VCL: variants seen among roughly 807,000 people sequenced by gnomAD.
The protein encoded by VCL is epididymis luminal protein 114.
Under a neutral mutation model 125.7 loss-of-function variants are expected in VCL, and 47 were observed. That is an observed-to-expected ratio of 0.37 (90% CI 0.30 to 0.48). The LOEUF (loss-of-function observed/expected upper bound fraction) is 0.48. VCL is among the 20% of genes least tolerant of loss of function. VCL has a pLI of 0.99. For synonymous variants in VCL, 458 were observed against 514.6 expected (o/e 0.89, Z 1.49); for missense variants, 1,069 against 1,455.5 (o/e 0.73, Z 4.32).
chr10:74,070,539 CA>C (rs1841647302), intron 2 of VCL, 130 bp from the exon 3 acceptor site: 1 of 1,286,862 alleles, frequency 7.8e-7, no homozygotes, highest in East Asian at 2.3e-5. Flanking sequence ...GTTCTATTAT[CA>C]ATTGGTCTTG....
At chr10:74,085,014 A>T (rs1281959325) in intron 8 of VCL, among the ~76,000 whole-genome samples, 2 of 152,196 alleles carry the variant, frequency 1.3e-5, no homozygotes, top group Admixed American at 6.5e-5. Flanking sequence ...GGCTCAAGCA[A>T]TGTTCCTTCT....
chr10:74,032,563 G>A (rs544245899), intron 1 of VCL, among the ~76,000 whole-genome samples: 2 of 151,942 alleles, frequency 1.3e-5, no homozygotes, highest in East Asian at 1.9e-4. Context: ...AGCCAGGCAT[G>A]GTGGCTCATG....
chr10:74,081,051 C>T lies in VCL; in HGVS notation c.784-1403C>T, dbSNP rs1839666550. On this transcript the variant is annotated intron_variant, in intron 6 of 21. Coordinates refer to ENST00000211998, the MANE Select transcript of VCL (RefSeq NM_014000.3). ...ATTACAAGTGGATTTTGAAATAGAT[C>T]CTCTTATGATTCTGCCTTTTATTGA... 2.6e-5 allele frequency among the ~76,000 whole-genome samples: 4 copies of T among 152,176 alleles called. 1 individual carries two copies. The South Asian group carries it at 8.3e-4, about 31-fold the overall frequency.
intron 21 of VCL, among the ~76,000 whole-genome samples, chr10:74,116,334 A>G (rs1435246439): frequency 6.6e-6 from 1 of 152,072 alleles, no homozygotes; most frequent in Non-Finnish European, 1.5e-5. Flanking sequence ...CCTAACTTCC[A>G]CATATTCTAT....
At chr10:74,066,673 ATTTT>A (rs34258352) in intron 2 of VCL, among the ~76,000 whole-genome samples, 9 of 142,502 alleles carry the variant, frequency 6.3e-5, no homozygotes, top group Non-Finnish European at 1.2e-4. Flanking sequence ...TTATAAAATG[ATTTT>A]TTTTTTTTTT....
intron 1 of VCL, among the ~76,000 whole-genome samples, chr10:74,018,584 A>G (rs1840604081): frequency 6.6e-6 from 1 of 152,156 alleles, no homozygotes; most frequent in Non-Finnish European, 1.5e-5. Flanking sequence ...CAAAGATACA[A>G]GGGTGTGAAT....
At chr10:74,070,627 T>A in intron 2 of VCL, 43 bp from the exon 3 acceptor site, 1 of 1,613,172 alleles carries the variant, frequency 6.2e-7, no homozygotes, top group Non-Finnish European at 8.5e-7. Context: ...GGTATTCTTC[T>A]GTGTGGTTCT....
chr10:74,025,486 C>G (rs1380677002), intron 1 of VCL, among the ~76,000 whole-genome samples: 1 of 151,506 alleles, frequency 6.6e-6, no homozygotes, highest in Non-Finnish European at 1.5e-5. Flanking sequence ...TGGTGGTGTG[C>G]GTCTATAGTT....
chr10:74,080,974 T>A (rs1356470649), intron 6 of VCL, among the ~76,000 whole-genome samples: 1 of 152,238 alleles, frequency 6.6e-6, no homozygotes, highest in Non-Finnish European at 1.5e-5. Context: ...TTTGCTGATA[T>A]TCAAACCATT....
intron 1 of VCL, among the ~76,000 whole-genome samples, chr10:74,026,074 T>C (rs1308667661): frequency 2.0e-5 from 3 of 152,216 alleles, no homozygotes; most frequent in Non-Finnish European, 4.4e-5. Flanking sequence ...AATGTTTTAT[T>C]ATGCAGATGG....
intron 2 of VCL, among the ~76,000 whole-genome samples, chr10:74,049,830 G>GT (rs1393338709): frequency 6.6e-6 from 1 of 152,198 alleles, no homozygotes; most frequent in Non-Finnish European, 1.5e-5. Flanking sequence ...TGCTAATGTT[G>GT]TAACAGAGAA....
intron 1 of VCL, among the ~76,000 whole-genome samples, chr10:74,002,549 T>G (rs1840245880): frequency 6.6e-6 from 1 of 152,016 alleles, no homozygotes; most frequent in South Asian, 2.1e-4. Flanking sequence ...AGTTGGGTCT[T>G]AAAGACAGAT....
chr10:74,075,034 TTTC>T (rs934902672), intron 6 of VCL, 131 bp downstream of exon 6: 6 of 1,188,740 alleles, frequency 5.0e-6, no homozygotes, highest in East Asian at 2.5e-5. Flanking sequence ...GTGAAAGTAA[TTTC>T]TTCTTCATTT....
chr10:74,066,063 T>TATATATATATATA (rs1297685805), intron 2 of VCL, among the ~76,000 whole-genome samples: 2,181 of 95,090 alleles, frequency 0.023, 20 homozygotes, highest in Admixed American at 0.028. Context: ...ATATATATAT[T>TATATATATATATA]TTTTTTTTTT....
At position 74,071,802 on chromosome 10, in the gene VCL, G is replaced by A. The variant is rs565474398; in HGVS notation, c.499+719G>A. Among the ~76,000 whole-genome samples the A allele has an allele frequency of 6.6e-6, 1 of 152,316 alleles. No individual in the cohort carries two copies. The highest frequency in any genetic ancestry group is 1.9e-4 in the East Asian group (1 of 5,188). On this transcript the variant is annotated intron_variant, in intron 4 of 21. Coordinates refer to ENST00000211998, the MANE Select transcript of VCL (RefSeq NM_014000.3). This position sits in a 1 kb window ranked among gnomAD's most constrained non-coding sequence, Gnocchi z 4.1. ...AACAGCATTTTTATGAGGTTCCAGT[G>A]TAGGTGTTCTGTAAAACTTAATGGC...
intron 14 of VCL, among the ~76,000 whole-genome samples, chr10:74,101,349 G>C (rs1840051987): frequency 6.6e-6 from 1 of 151,826 alleles, no homozygotes; most frequent in Non-Finnish European, 1.5e-5. Context: ...AGCTGGGTGT[G>C]GTGGCGCATG....
chr10:74,040,748 C>T (rs571914488), intron 1 of VCL, among the ~76,000 whole-genome samples: 3 of 152,282 alleles, frequency 2.0e-5, no homozygotes, highest in Admixed American at 2.0e-4. Context: ...ATATGTGTTG[C>T]TTTTTCTAGC....
rs966585747 is a variant in VCL at position 74,074,693 on chromosome 10, T to C, written c.623-50T>C. Reference sequence around the variant, plus strand: ...AGAACATCTTTTGTGAATATTGTTATACAACAAGATTAAATTCCAAGCTTA... The same window carrying C: ...AGAACATCTTTTGTGAATATTGTTACACAACAAGATTAAATTCCAAGCTTA... On this transcript the variant is annotated intron_variant, in intron 5 of 21. Coordinates refer to ENST00000211998, the MANE Select transcript of VCL (RefSeq NM_014000.3). 3.8e-6 allele frequency: 6 copies of C among 1,597,544 alleles called. No individual in the cohort carries two copies. The South Asian group carries it at 6.8e-5, about 18-fold the overall frequency.
intron 1 of VCL, among the ~76,000 whole-genome samples, chr10:74,000,766 G>A (rs974200640): frequency 6.6e-6 from 1 of 152,116 alleles, no homozygotes; most frequent in Non-Finnish European, 1.5e-5. Context: ...TACGGCCTTA[G>A]TTAGGAAACA....
Sources: gnomAD v4.1 joint callset for allele counts (sites outside exome capture counted in the v4.1 genomes callset) on GRCh38, gnomAD v4.1.1 for gene constraint, Gnocchi (gnomAD v3.1) non-coding constraint, MANE v1.5 for transcripts, NCBI Gene and HGNC (gene_info 2026-07-23, HGNC 2026-07-21) for gene names.